The following LINGO2 variants were observed in gnomAD, a reference collection of about 807,000 sequenced individuals.
LINGO2 encodes leucine-rich repeat and immunoglobulin-like domain-containing nogo receptor-interacting protein 2.
In LINGO2, 14 loss-of-function variants were observed where a neutral mutation model predicts 30.6. The observed-to-expected ratio is 0.46, with a 90% CI of 0.30 to 0.72. The LOEUF (loss-of-function observed/expected upper bound fraction) is 0.72. Among genes scored for constraint, LINGO2 ranks in the 30% least tolerant of loss-of-function variants. LINGO2 has a pLI of 0.07. For missense variants in LINGO2, 729 were observed against 751.7 expected, an observed-to-expected ratio of 0.97 and a Z score of 0.35; for synonymous variants, 317 against 288.5, an observed-to-expected ratio of 1.10 and a Z score of -1.00.
the LINGO2 span, among the ~76,000 whole-genome samples, chr9:28,811,231 T>C: frequency 6.6e-5 from 10 of 152,118 alleles, no homozygotes; most frequent in African/African-American, 2.2e-4. Flanking sequence ...CAAGTTCTTC[T>C]GACTCCAAAT....
At chr9:28,656,584 A>G (rs1409257692) in intron 1 of LINGO2, among the ~76,000 whole-genome samples, 1 of 152,150 alleles carries the variant, frequency 6.6e-6, no homozygotes, top group Non-Finnish European at 1.5e-5. Context: ...GCACTCTTCA[A>G]AAATGTCATT....
chr9:29,013,636 G>A, the LINGO2 span, among the ~76,000 whole-genome samples: 1,770 of 152,108 alleles, frequency 0.012, 48 homozygotes, highest in African/African-American at 0.041. Context: ...TAATTAACTT[G>A]TAGTCTAGTA....
At chr9:29,167,569 C>G in the LINGO2 span, among the ~76,000 whole-genome samples, 7,270 of 152,134 alleles carry the variant, frequency 0.048, 558 homozygotes, top group African/African-American at 0.17. Flanking sequence ...AGACTATACA[C>G]AAAACCAAGT....
intron 1 of LINGO2, among the ~76,000 whole-genome samples, chr9:28,665,715 T>C (rs1206178309): frequency 6.6e-6 from 1 of 152,198 alleles, no homozygotes; most frequent in African/African-American, 2.4e-5. Flanking sequence ...TTAATAGCCT[T>C]GTTTAAACAA....
the LINGO2 span, among the ~76,000 whole-genome samples, chr9:28,798,655 T>C: frequency 6.6e-6 from 1 of 152,144 alleles, no homozygotes; most frequent in African/African-American, 2.4e-5. Flanking sequence ...AAATCTAACC[T>C]GGAACTAGTC....
intron 4 of LINGO2, among the ~76,000 whole-genome samples, chr9:28,262,726 T>C (rs1822607953): frequency 6.6e-6 from 1 of 151,988 alleles, no homozygotes; most frequent in South Asian, 2.1e-4. Context: ...TCTAGATTTT[T>C]TGATGTATAG....
the LINGO2 span, among the ~76,000 whole-genome samples, chr9:29,121,974 C>T: frequency 2.0e-5 from 3 of 151,724 alleles, no homozygotes; most frequent in African/African-American, 7.3e-5. Flanking sequence ...TTTGGAAATA[C>T]GAAGTAAGTA....
intron 1 of LINGO2, among the ~76,000 whole-genome samples, chr9:28,583,967 G>A (rs1222561723): frequency 2.0e-5 from 3 of 151,978 alleles, no homozygotes; most frequent in Non-Finnish European, 4.4e-5. Flanking sequence ...TGATAGAAAG[G>A]ATGGATTTGG....
At chr9:28,934,084 C>T in the LINGO2 span, among the ~76,000 whole-genome samples, 8 of 152,252 alleles carry the variant, frequency 5.3e-5, no homozygotes, top group Admixed American at 3.9e-4. Context: ...GCCAATGTAA[C>T]GACTGGGGGA....
the LINGO2 span, among the ~76,000 whole-genome samples, chr9:28,791,948 A>G: frequency 1.5e-4 from 22 of 151,594 alleles, no homozygotes; most frequent in Non-Finnish European, 2.7e-4. Flanking sequence ...TAATCACAGT[A>G]ATTATCATAT....
chr9:27,975,409 G>A (rs1468267445), intron 5 of LINGO2, among the ~76,000 whole-genome samples: 1 of 152,040 alleles, frequency 6.6e-6, no homozygotes, highest in East Asian at 1.9e-4. Flanking sequence ...GGGGGCTGGG[G>A]TTGAGGAAGT....
chr9:28,570,913 A>G (rs1823657395), intron 1 of LINGO2, among the ~76,000 whole-genome samples: 1 of 151,990 alleles, frequency 6.6e-6, no homozygotes, highest in Non-Finnish European at 1.5e-5. Context: ...GCTTAAAAAC[A>G]TCCACACTTT....
intron 1 of LINGO2, among the ~76,000 whole-genome samples, chr9:28,568,603 G>T (rs936297526): frequency 6.6e-6 from 1 of 151,832 alleles, no homozygotes; most frequent in African/African-American, 2.4e-5. Flanking sequence ...AGAGAAAAAA[G>T]ACTTGTCACA....
chr9:28,780,928 G>A, the LINGO2 span, among the ~76,000 whole-genome samples: 5 of 149,958 alleles, frequency 3.3e-5, no homozygotes, highest in African/African-American at 7.3e-5. Context: ...ATCAGTTGAC[G>A]TTTATTTGAA....
rs937135281 is a variant in LINGO2, at chr9:28,658,073, T to C, written c.-365+12127A>G. On this transcript the variant is annotated intron_variant, in intron 1 of 5. Transcript: ENST00000379992. ...GTGATTTCCTGTTTTCTTTTTGCCA[T>C]TGATTTCTACCTTCAATTCATTGTG... Among the ~76,000 whole-genome samples, 3 of 152,072 alleles carry C rather than the reference T, an allele frequency of 2.0e-5. No individual in the cohort carries two copies. The East Asian group carries it at 5.8e-4, about 29-fold the overall frequency.
the LINGO2 span, among the ~76,000 whole-genome samples, chr9:29,036,704 G>GCCT: frequency 6.6e-6 from 1 of 152,032 alleles, no homozygotes; most frequent in South Asian, 2.1e-4. Context: ...GAAAAAATAT[G>GCCT]CCTTTTTATT....
chr9:28,385,716 T>A (rs1312384337), intron 2 of LINGO2, among the ~76,000 whole-genome samples: 1 of 152,132 alleles, frequency 6.6e-6, no homozygotes, highest in Non-Finnish European at 1.5e-5. Flanking sequence ...CAGGAAATGA[T>A]AATGGAAAAA....
At chr9:28,732,933 C>T in the LINGO2 span, among the ~76,000 whole-genome samples, 1 of 152,170 alleles carries the variant, frequency 6.6e-6, no homozygotes, top group African/African-American at 2.4e-5. Context: ...TTCTGGAGCC[C>T]AGCAAGGGCC....
At chr9:28,297,680 C>T (rs898299457) in intron 3 of LINGO2, among the ~76,000 whole-genome samples, 1 of 152,142 alleles carries the variant, frequency 6.6e-6, no homozygotes, top group Non-Finnish European at 1.5e-5. Flanking sequence ...ATAGCTAATG[C>T]TTGTGAGGTT....
Sources: gnomAD v4.1 joint callset for allele counts (sites outside exome capture counted in the v4.1 genomes callset) on GRCh38, gnomAD v4.1.1 for gene constraint, MANE v1.5 for transcripts, NCBI Gene and HGNC (gene_info 2026-07-23, HGNC 2026-07-21) for gene names.